MACROD2: variants seen among roughly 807,000 people sequenced by gnomAD.
The protein encoded by MACROD2 is mono-ADP ribosylhydrolase 2, also known as ADP-ribose glycohydrolase MACROD2.
MACROD2 carries 36 observed loss-of-function variants against 70.4 expected under a neutral mutation model. The observed-to-expected ratio is 0.51, with a 90% confidence interval of 0.39 to 0.68. MACROD2 has a LOEUF of 0.68. Ranked by LOEUF, MACROD2 falls within the 30% of genes least tolerant of loss-of-function variation. MACROD2 has a pLI of 0.00. For missense variants in MACROD2, 496 were observed against 538.4 expected (o/e 0.92, Z 0.78); for synonymous variants, 172 against 178.8 (o/e 0.96, Z 0.30).
At chr20:15,513,750 T>C (rs2047531846) in intron 8 of MACROD2, among the ~76,000 whole-genome samples, 1 of 152,222 alleles carries the variant, frequency 6.6e-6, no homozygotes, top group Non-Finnish European at 1.5e-5. Context: ...CTACCCATAA[T>C]ACCCCAGGGT....
At chr20:14,072,816 C>T (rs967815151) in intron 2 of MACROD2, among the ~76,000 whole-genome samples, 11 of 151,900 alleles carry the variant, frequency 7.2e-5, no homozygotes, top group Non-Finnish European at 1.3e-4. Context: ...CGCCTATAGT[C>T]CCATCTACTC....
chr20:15,605,620 T>C (rs455245), intron 8 of MACROD2, among the ~76,000 whole-genome samples: 2 of 152,028 alleles, frequency 1.3e-5, no homozygotes, highest in Non-Finnish European at 1.5e-5. Flanking sequence ...ATGAACTCTG[T>C]AATCACATGA....
At chr20:15,785,024 C>T (rs554428911) in intron 8 of MACROD2, among the ~76,000 whole-genome samples, 377 of 151,570 alleles carry the variant, frequency 2.5e-3, no homozygotes, top group Middle Eastern at 0.014. Flanking sequence ...TGGTGGCGGG[C>T]GCCTGTAGTC....
intron 8 of MACROD2, among the ~76,000 whole-genome samples, chr20:15,584,986 G>A (rs1196494195): frequency 6.6e-6 from 1 of 152,154 alleles, no homozygotes; most frequent in African/African-American, 2.4e-5. Context: ...GTCTTTCCAG[G>A]ATGGAGCTTG....
At chr20:15,178,789 A>G (rs2076480183) in intron 5 of MACROD2, among the ~76,000 whole-genome samples, 1 of 152,256 alleles carries the variant, frequency 6.6e-6, no homozygotes, top group South Asian at 2.1e-4. Flanking sequence ...AATTTTCCAG[A>G]AAGGTCCCTG....
rs190703227 is a variant in MACROD2 at position 15,465,918 on chromosome 20, G to C, written c.572-33856G>C. Among the ~76,000 whole-genome samples, 904 of 152,220 alleles carry C rather than the reference G, an allele frequency of 5.9e-3. 14 individuals are homozygous for C. Among genetic ancestry groups the C allele is most frequent in the African/African-American group, 0.021 (858 of 41,522 alleles). Reference sequence around the variant, plus strand: ...AGCCCATGCTTAATGTATCAGACAGGGTCCTCAGCTCCGTGGACACAGTGA... The same window carrying C: ...AGCCCATGCTTAATGTATCAGACAGCGTCCTCAGCTCCGTGGACACAGTGA... On this transcript the variant is annotated intron_variant, in intron 7 of 17. Coordinates refer to ENST00000684519, the MANE Select transcript of MACROD2 (RefSeq NM_001351661.2).
intron 5 of MACROD2, among the ~76,000 whole-genome samples, chr20:14,729,082 G>A (rs1004720384): frequency 6.6e-6 from 1 of 152,002 alleles, no homozygotes; most frequent in African/African-American, 2.4e-5. Flanking sequence ...TAATTGTTTA[G>A]TATCACATAA....
intron 5 of MACROD2, among the ~76,000 whole-genome samples, chr20:14,721,910 G>C (rs551117757): frequency 6.6e-6 from 1 of 152,076 alleles, no homozygotes; most frequent in Non-Finnish European, 1.5e-5. Flanking sequence ...TTAAGGAACC[G>C]TGTGGTAGAA....
At chr20:14,365,368 A>G (rs2083262210) in intron 3 of MACROD2, among the ~76,000 whole-genome samples, 1 of 151,386 alleles carries the variant, frequency 6.6e-6, no homozygotes, top group South Asian at 2.1e-4. Context: ...TTCATAAATA[A>G]CATACTTATA....
intron 3 of MACROD2, among the ~76,000 whole-genome samples, chr20:14,310,703 C>T (rs2082559612): frequency 1.3e-5 from 2 of 152,032 alleles, no homozygotes; most frequent in Non-Finnish European, 2.9e-5. Flanking sequence ...GCATTGTTGT[C>T]ATAGGAGATG....
At chr20:15,666,232 A>C (rs1416015946) in intron 8 of MACROD2, among the ~76,000 whole-genome samples, 1 of 152,192 alleles carries the variant, frequency 6.6e-6, no homozygotes, top group Non-Finnish European at 1.5e-5. Flanking sequence ...AGTGTTAGAC[A>C]TCTCTTATTT....
chr20:15,123,440 T>C (rs1271095708), intron 5 of MACROD2, among the ~76,000 whole-genome samples: 3 of 152,204 alleles, frequency 2.0e-5, no homozygotes, highest in Non-Finnish European at 1.5e-5. Flanking sequence ...ATTCGGCTAG[T>C]TCAAAGTGAG....
intron 13 of MACROD2, among the ~76,000 whole-genome samples, chr20:15,973,559 AAAT>A (rs2066262538): frequency 6.6e-6 from 1 of 152,204 alleles, no homozygotes; most frequent in African/African-American, 2.4e-5. Flanking sequence ...TCAGCAATGC[AAAT>A]AATAACAATA....
chr20:14,013,462 C>T (rs184380963), intron 2 of MACROD2, among the ~76,000 whole-genome samples: 19 of 151,410 alleles, frequency 1.3e-4, no homozygotes, highest in South Asian at 2.1e-4. Flanking sequence ...TTAGTAGAGA[C>T]GGGGTTTCAC....
At chr20:15,359,199 T>G (rs772332764) in intron 6 of MACROD2, among the ~76,000 whole-genome samples, 2 of 152,196 alleles carry the variant, frequency 1.3e-5, no homozygotes, top group Non-Finnish European at 2.9e-5. Context: ...AAGAAGAAAC[T>G]GCTCATCTTC....
At chr20:16,000,814 T>G (rs1156957377) in intron 15 of MACROD2, among the ~76,000 whole-genome samples, 1 of 152,196 alleles carries the variant, frequency 6.6e-6, no homozygotes, top group Non-Finnish European at 1.5e-5. Context: ...GTGGAGTAGA[T>G]AGTGATTGTA....
intron 3 of MACROD2, among the ~76,000 whole-genome samples, chr20:14,138,044 A>G (rs1371225710): frequency 6.6e-6 from 1 of 152,212 alleles, no homozygotes; most frequent in East Asian, 1.9e-4. Flanking sequence ...AATCAAAACC[A>G]CAGTGAGATA....
intron 5 of MACROD2, among the ~76,000 whole-genome samples, chr20:14,710,089 A>C (rs1463306613): frequency 6.6e-6 from 1 of 152,212 alleles, no homozygotes; most frequent in East Asian, 1.9e-4. Context: ...TATAGAAGAA[A>C]TCCAGGGACA....
chr20:14,109,606 C>G (rs1331539261), intron 3 of MACROD2, among the ~76,000 whole-genome samples: 1 of 151,714 alleles, frequency 6.6e-6, no homozygotes, highest in Non-Finnish European at 1.5e-5. Flanking sequence ...TCACTAGTAG[C>G]TACTATGAGC....
Sources: gnomAD v4.1 joint callset for allele counts (sites outside exome capture counted in the v4.1 genomes callset) on GRCh38, gnomAD v4.1.1 for gene constraint, MANE v1.5 for transcripts, NCBI Gene and HGNC (gene_info 2026-07-23, HGNC 2026-07-21) for gene names.